PPARGC1A: variants seen among roughly 807,000 people sequenced by gnomAD.
PPARGC1A encodes the protein PPARG coactivator 1 alpha.
In PPARGC1A, 25 loss-of-function variants were observed where a neutral mutation model predicts 88.7. That is an observed-to-expected ratio of 0.28 (90% confidence interval 0.21 to 0.39). The LOEUF is 0.39. PPARGC1A is among the 10% of genes least tolerant of loss of function. PPARGC1A has a pLI of 1.00. For missense variants in PPARGC1A, 880 were observed against 968.7 expected (o/e 0.91, Z 1.22); for synonymous variants, 363 against 355.6 (o/e 1.02, Z -0.24).
chr4:23,912,949 C>T, the PPARGC1A span, among the ~76,000 whole-genome samples: 37 of 150,594 alleles, frequency 2.5e-4, no homozygotes, highest in Middle Eastern at 3.4e-3. Context: ...CCACCACGCC[C>T]GGCTAATTTC....
the PPARGC1A span, among the ~76,000 whole-genome samples, chr4:24,466,701 G>C: frequency 1.3e-5 from 2 of 151,924 alleles, no homozygotes; most frequent in Non-Finnish European, 2.9e-5. Context: ...GGGAGGCCGA[G>C]GTCAGGAGTT....
chr4:23,974,074 G>GA, the PPARGC1A span, among the ~76,000 whole-genome samples: 8 of 152,136 alleles, frequency 5.3e-5, no homozygotes, highest in African/African-American at 1.9e-4. Flanking sequence ...AAAAGGAGAG[G>GA]AGTAGCAGTA....
chr4:23,970,334 A>C, the PPARGC1A span, among the ~76,000 whole-genome samples: 1 of 152,216 alleles, frequency 6.6e-6, no homozygotes, highest in Non-Finnish European at 1.5e-5. Flanking sequence ...GGGCTTTACC[A>C]CTAGAGCTGA....
the PPARGC1A span, among the ~76,000 whole-genome samples, chr4:24,017,689 C>T: frequency 2.0e-5 from 3 of 152,066 alleles, no homozygotes; most frequent in African/African-American, 7.2e-5. Flanking sequence ...ACAACAAGGA[C>T]ATCATTATTT....
At chr4:24,099,166 C>A in the PPARGC1A span, among the ~76,000 whole-genome samples, 2 of 147,930 alleles carry the variant, frequency 1.4e-5, no homozygotes, top group African/African-American at 2.6e-5. Context: ...CAGAAATAAT[C>A]AAAAACTAAT....
At chr4:24,362,946 C>G in the PPARGC1A span, among the ~76,000 whole-genome samples, 1 of 152,162 alleles carries the variant, frequency 6.6e-6, no homozygotes, top group East Asian at 1.9e-4. Flanking sequence ...ACAGAAACAT[C>G]GTAAGAACTT....
chr4:24,268,303 C>T, the PPARGC1A span, among the ~76,000 whole-genome samples: 2 of 152,094 alleles, frequency 1.3e-5, no homozygotes, highest in Non-Finnish European at 2.9e-5. Context: ...CAGTATTAAC[C>T]AAGGTCACTG....
chr4:23,877,921 CCA>C (rs1346919661), intron 2 of PPARGC1A: 1 of 152,200 alleles, frequency 6.6e-6, no homozygotes, highest in East Asian at 1.9e-4. Context: ...TATAAGGTCT[CCA>C]CACAGACACA....
chr4:24,309,548 A>C, the PPARGC1A span, among the ~76,000 whole-genome samples: 3 of 152,124 alleles, frequency 2.0e-5, no homozygotes, highest in Admixed American at 6.5e-5. Flanking sequence ...TAGATCACTG[A>C]AAGGTTTCTA....
the PPARGC1A span, among the ~76,000 whole-genome samples, chr4:24,270,668 A>G: frequency 6.6e-6 from 1 of 152,180 alleles, no homozygotes; most frequent in South Asian, 2.1e-4. Context: ...GAGGATTACA[A>G]ATTTAATGTG....
the PPARGC1A span, among the ~76,000 whole-genome samples, chr4:24,418,387 T>C: frequency 6.6e-6 from 1 of 152,184 alleles, no homozygotes; most frequent in Non-Finnish European, 1.5e-5. Context: ...TCTCTGGCAT[T>C]TATCTATGGG....
At chr4:23,840,277 C>T (rs1268303457) in intron 2 of PPARGC1A, among the ~76,000 whole-genome samples, 1 of 151,946 alleles carries the variant, frequency 6.6e-6, no homozygotes, top group Non-Finnish European at 1.5e-5. Flanking sequence ...CAGACTACAC[C>T]AGGCTAACTG....
At chr4:24,124,459 G>A in the PPARGC1A span, among the ~76,000 whole-genome samples, 2 of 152,172 alleles carry the variant, frequency 1.3e-5, no homozygotes, top group African/African-American at 4.8e-5. Flanking sequence ...TTCCTGAAGA[G>A]TCATCCTATT....
the PPARGC1A span, among the ~76,000 whole-genome samples, chr4:24,412,543 C>T: frequency 6.6e-6 from 1 of 152,110 alleles, no homozygotes; most frequent in Non-Finnish European, 1.5e-5. Flanking sequence ...TGCAATGGCT[C>T]AATCTCCGCT....
chr4:24,306,285 G>A, the PPARGC1A span, among the ~76,000 whole-genome samples: 1 of 152,040 alleles, frequency 6.6e-6, no homozygotes, highest in Admixed American at 6.6e-5. Flanking sequence ...CAACATTTGA[G>A]CACAAGGTGT....
chr4:23,947,162 G>A, the PPARGC1A span, among the ~76,000 whole-genome samples: 18 of 151,610 alleles, frequency 1.2e-4, no homozygotes, highest in Non-Finnish European at 2.5e-4. Flanking sequence ...GAAGGGTCAG[G>A]TTCAAAGCCC....
chr4:24,190,840 A>C, the PPARGC1A span, among the ~76,000 whole-genome samples: 1 of 152,084 alleles, frequency 6.6e-6, no homozygotes, highest in Non-Finnish European at 1.5e-5. Context: ...CCCATTTCCC[A>C]CCGCTGGTGG....
At position 23,844,344 on chromosome 4, in the gene PPARGC1A, TTATAA is replaced by T. The variant is rs1262306626; in HGVS notation, c.235-12598_235-12594del. Among the ~76,000 whole-genome samples, 84 of 138,126 alleles carry T rather than the reference TTATAA, an allele frequency of 6.1e-4. 1 individual carries two copies. Among genetic ancestry groups the T allele is most frequent in the African/African-American group, 1.8e-3 (68 of 37,466 alleles). 90.6% of individuals were successfully genotyped at this position (138,126 alleles called of 152,430 possible). A position where few individuals can be genotyped will look rare whatever the true frequency, so the allele number is the denominator to read the frequency against. ...GAATAATCATAAACTATATTATATA[TTATAA>T]TATAATAATCTATAATATATTATAG... On this transcript the variant is annotated intron_variant, in intron 2 of 12. Transcript: ENST00000264867.
chr4:24,107,298 G>T, the PPARGC1A span, among the ~76,000 whole-genome samples: 1 of 152,126 alleles, frequency 6.6e-6, no homozygotes, highest in Non-Finnish European at 1.5e-5. Context: ...GCATTCATTT[G>T]TTGAAGATTA....
Sources: allele counts gnomAD v4.1 joint callset (sites outside exome capture counted in the v4.1 genomes callset), GRCh38; gene constraint gnomAD v4.1.1; transcripts MANE v1.5; gene names NCBI Gene and HGNC (gene_info 2026-07-23, HGNC 2026-07-21).